The following BCAS3 variants were observed in gnomAD, a reference collection of about 807,000 sequenced individuals.
BCAS3 encodes BCAS3 microtubule associated cell migration factor, also known as BCAS4/BCAS3 fusion.
BCAS3 carries 53 observed loss-of-function variants against 116.1 expected under a neutral mutation model. The ratio of observed to expected loss-of-function variants is 0.46; its 90% confidence interval spans 0.37 to 0.57. The LOEUF (loss-of-function observed/expected upper bound fraction) is 0.57, where lower values mean the gene tolerates loss of function less well. BCAS3 is among the 20% of genes least tolerant of loss of function. The pLI is 0.00. For missense variants in BCAS3, 917 were observed against 1,165.4 expected, an observed-to-expected ratio of 0.79 and a Z score of 3.10; for synonymous variants, 391 against 408.2, an observed-to-expected ratio of 0.96 and a Z score of 0.51.
chr17:61,238,173 C>T (rs1348686015), intron 22 of BCAS3, among the ~76,000 whole-genome samples: 2 of 151,916 alleles, frequency 1.3e-5, no homozygotes, highest in African/African-American at 2.4e-5. Flanking sequence ...CTACCTCAGC[C>T]TCCTGAGTAG....
At chr17:60,703,266 C>G (rs1044358228) in intron 4 of BCAS3, among the ~76,000 whole-genome samples, 1 of 149,252 alleles carries the variant, frequency 6.7e-6, no homozygotes, top group Non-Finnish European at 1.5e-5. Flanking sequence ...CAGAGTGAGA[C>G]TCTGTCTCAA....
chr17:61,321,159 A>G (rs1350402982), intron 22 of BCAS3, among the ~76,000 whole-genome samples: 1 of 152,196 alleles, frequency 6.6e-6, no homozygotes, highest in Non-Finnish European at 1.5e-5. Context: ...AACATAACTA[A>G]AAATATATCT....
At chr17:60,868,731 T>A in intron 8 of BCAS3, 48 bp downstream of exon 8, 1 of 1,179,628 alleles carries the variant, frequency 8.5e-7, no homozygotes, top group Non-Finnish European at 1.2e-6. Context: ...AAACATGCTC[T>A]CCTGGGCATG....
At chr17:60,970,214 T>C (rs2145343850) in intron 14 of BCAS3, among the ~76,000 whole-genome samples, 1 of 152,200 alleles carries the variant, frequency 6.6e-6, no homozygotes, top group Admixed American at 6.5e-5. Context: ...GAGGCAGGTA[T>C]ATGGAGCTGT....
intron 1 of BCAS3, among the ~76,000 whole-genome samples, chr17:60,679,021 C>G (rs2032521068): frequency 6.6e-6 from 1 of 152,078 alleles, no homozygotes; most frequent in Admixed American, 6.6e-5. Flanking sequence ...CTCAGGAGTT[C>G]GAGACCAGCC....
rs923885740 is a variant in BCAS3 at position 61,346,104 on chromosome 17, G to A, written c.2426-22223G>A. ...CAGGAGTGGTTGAGAAGGTAACAGC[G>A]GGGTAGGTGCCATAATCCTTGTTGA... On this transcript the variant is annotated intron_variant, in intron 22 of 23. Coordinates refer to ENST00000407086, the MANE Select transcript of BCAS3 (RefSeq NM_017679.5). This position sits in a 1 kb window ranked among gnomAD's most constrained non-coding sequence, Gnocchi z 5.4. 6.6e-6 allele frequency among the ~76,000 whole-genome samples: 1 copy of A among 152,110 alleles called. No homozygotes were observed. The highest frequency in any genetic ancestry group is 1.5e-5 in the Non-Finnish European group (1 of 68,016).
rs1021432436 is a variant in BCAS3 at position 61,106,605 on chromosome 17, A to G, written c.2425+22041A>G. Among the ~76,000 whole-genome samples the G allele has an allele frequency of 2.6e-5, 4 of 152,222 alleles. No homozygotes were observed. Among genetic ancestry groups the G allele is most frequent in the Non-Finnish European group, 5.9e-5 (4 of 68,044 alleles). ...TGGGTGTATAGTGTTGGTACTGTCC[A>G]TGGTTTCAGGCATCCACTGGGGGTC... On this transcript the variant is annotated intron_variant, in intron 22 of 23. Transcript: ENST00000407086. The surrounding 1 kb of genome is among the most constrained non-coding windows in gnomAD (Gnocchi z 4.2).
chr17:61,392,411 C>A lies in BCAS3; in HGVS notation c.*286C>A. 1 of 206,516 alleles carries A rather than the reference C, an allele frequency of 4.8e-6. No individual in the cohort carries two copies. Among genetic ancestry groups the A allele is most frequent in the Non-Finnish European group, 9.4e-6 (1 of 106,418 alleles). The allele number at this position is 206,516 out of a possible 1,614,324, so 12.8% of individuals were successfully genotyped here. The stretch of plus-strand genomic sequence containing the variant: ...CATATGACATCCTGCATTGGATCCG[C>A]TTTTGTATTTTTTAACCATACCCAC... On this transcript the variant is annotated 3_prime_UTR_variant, in exon 24 of 24. Coordinates refer to ENST00000407086, the MANE Select transcript of BCAS3 (RefSeq NM_017679.5). The surrounding 1 kb of genome is among the most constrained non-coding windows in gnomAD (Gnocchi z 6.4).
At position 61,318,557 on chromosome 17, in the gene BCAS3, C is replaced by T. The variant is rs963910575; in HGVS notation, c.2426-49770C>T. On this transcript the variant is annotated intron_variant, in intron 22 of 23. Transcript: ENST00000407086. ...TTAATGGCATTAACAAGGGACACAC[C>T]GCTTAATCACAGGTGGAACTGCCAA... is the stretch of plus-strand genomic sequence containing the variant. Among the ~76,000 whole-genome samples, 8 of 152,264 alleles carry T rather than the reference C, an allele frequency of 5.3e-5. 1 individual carries two copies. The highest frequency in any genetic ancestry group is 2.1e-4 in the South Asian group (1 of 4,814).
chr17:60,926,029 C>T (rs1209345393), intron 13 of BCAS3, among the ~76,000 whole-genome samples: 2 of 152,092 alleles, frequency 1.3e-5, no homozygotes. Flanking sequence ...TCCGTTTTAA[C>T]TGAGACTTTG....
At chr17:61,031,881 CT>C (rs1324527288) in intron 16 of BCAS3, among the ~76,000 whole-genome samples, 4 of 151,960 alleles carry the variant, frequency 2.6e-5, no homozygotes, top group African/African-American at 9.7e-5. Flanking sequence ...CCATAAAATA[CT>C]TATTTTCTGT....
chr17:60,809,749 C>G (rs1370151797), intron 7 of BCAS3, among the ~76,000 whole-genome samples: 1 of 152,054 alleles, frequency 6.6e-6, no homozygotes, highest in Non-Finnish European at 1.5e-5. Context: ...GAAAAAGGGT[C>G]CAGGGGGAAG....
chr17:61,176,695 C>T (rs1200743562), intron 22 of BCAS3, among the ~76,000 whole-genome samples: 2 of 151,896 alleles, frequency 1.3e-5, no homozygotes, highest in African/African-American at 4.8e-5. Flanking sequence ...GTAGCTGGGA[C>T]TACAGTCATG....
At chr17:61,210,183 A>C (rs1012223088) in intron 22 of BCAS3, among the ~76,000 whole-genome samples, 1 of 152,218 alleles carries the variant, frequency 6.6e-6, no homozygotes, top group Non-Finnish European at 1.5e-5. Context: ...ATTAAAATTT[A>C]TCCATATCTC....
intron 23 of BCAS3, among the ~76,000 whole-genome samples, chr17:61,370,387 G>A (rs75465014): frequency 2.7e-5 from 4 of 148,740 alleles, no homozygotes; most frequent in Non-Finnish European, 4.4e-5. Flanking sequence ...GAAAAAACTT[G>A]TTCTTTTTTT....
chr17:60,919,852 C>G (rs761615101), intron 12 of BCAS3, among the ~76,000 whole-genome samples: 2 of 152,022 alleles, frequency 1.3e-5, no homozygotes, highest in Admixed American at 6.6e-5. Context: ...TGTAATCCCT[C>G]CAACTACCGC....
rs2055630989 is a variant in BCAS3 at position 61,325,211 on chromosome 17, A to G, written c.2426-43116A>G. On this transcript the variant is annotated intron_variant, in intron 22 of 23. Transcript: ENST00000407086. This position sits in a 1 kb window ranked among gnomAD's most constrained non-coding sequence, Gnocchi z 6.4. The stretch of plus-strand genomic sequence containing the variant: ...GTTACACAGTTAGCATTTAACTTAC[A>G]TTATGAAGTGACAGAATCGCACTTG... 6.6e-6 allele frequency among the ~76,000 whole-genome samples: 1 copy of G among 152,218 alleles called. No individual in the cohort carries two copies. The highest frequency in any genetic ancestry group is 1.9e-4 in the East Asian group (1 of 5,192).
intron 11 of BCAS3, among the ~76,000 whole-genome samples, chr17:60,910,217 A>C (rs1490953634): frequency 6.6e-6 from 1 of 152,220 alleles, no homozygotes; most frequent in South Asian, 2.1e-4. Context: ...GGAGGGAATG[A>C]AAGAAATATC....
At chr17:61,061,386 C>T (rs2070016949) in intron 19 of BCAS3, among the ~76,000 whole-genome samples, 1 of 152,124 alleles carries the variant, frequency 6.6e-6, no homozygotes, top group Non-Finnish European at 1.5e-5. Flanking sequence ...AACATCACCC[C>T]CCATCCTCGC....
Sources: gnomAD v4.1 joint callset for allele counts (sites outside exome capture counted in the v4.1 genomes callset) on GRCh38, gnomAD v4.1.1 for gene constraint, Gnocchi (gnomAD v3.1) non-coding constraint, MANE v1.5 for transcripts, NCBI Gene and HGNC (gene_info 2026-07-23, HGNC 2026-07-21) for gene names.